The following ITPR2 variants were observed in gnomAD, a reference collection of about 807,000 sequenced individuals.
ITPR2 encodes the protein inositol 1,4,5-trisphosphate receptor type 2.
A neutral mutation model predicts 317.1 loss-of-function variants in ITPR2; 207 were observed. The observed-to-expected ratio is 0.65, with a 90% CI of 0.58 to 0.73. The LOEUF (loss-of-function observed/expected upper bound fraction) is 0.73. Ranked by LOEUF, ITPR2 falls within the 30% of genes least tolerant of loss-of-function variation. The pLI is 0.00. For missense variants in ITPR2, 2,613 were observed against 3,284.0 expected (o/e 0.80, Z 4.99); for synonymous variants, 1,156 against 1,149.1 (o/e 1.01, Z -0.12).
chr12:26,663,627 A>G (rs1947551544), intron 15 of ITPR2, 58 bp downstream of exon 15: 1 of 1,450,638 alleles, frequency 6.9e-7, no homozygotes, highest in Non-Finnish European at 9.3e-7. Flanking sequence ...ATTATAACCA[A>G]AGAACCTTGC....
chr12:26,676,461 A>T (rs1179454761), intron 13 of ITPR2, among the ~76,000 whole-genome samples: 1 of 149,368 alleles, frequency 6.7e-6, no homozygotes. Flanking sequence ...TGGGTGACAG[A>T]GTGAGACTCT....
chr12:26,446,845 A>G (rs1424191735), intron 45 of ITPR2, among the ~76,000 whole-genome samples: 2 of 151,832 alleles, frequency 1.3e-5, no homozygotes, highest in African/African-American at 4.8e-5. Flanking sequence ...TGAAAATTTG[A>G]AATATATAAT....
rs764764738 is a variant in ITPR2 at position 26,628,039 on chromosome 12, G to A, written c.3058C>T (p.Pro1020Ser). 8.1e-6 allele frequency: 13 copies of A among 1,608,436 alleles called. No individual in the cohort carries two copies. The highest frequency in any genetic ancestry group is 1.0e-5 in the Non-Finnish European group (12 of 1,178,414). The change falls in exon 23 of 57, where the codon CCA becomes TCA. Residue 1020 changes from proline to serine, a missense_variant. By Grantham distance (74) the Pro-to-Ser change is moderately conservative. This residue lies in a region of ITPR2 where 817 missense variants were observed against 897.6 expected (regional missense o/e 0.91). Transcript: ENST00000381340. ...SASGSPDTLL[P>S]SAIVPDIDEI... is the part of the protein sequence containing the mutation. ...TACTGTCACAAAAAGATACCTGATG[G>A]TAGTAAAGTGTCTGGAGATCCACTG...
chr12:26,659,812 T>A lies in ITPR2; in HGVS notation c.1714-527A>T, dbSNP rs566193575. ...CATTCATGAGACATGAGATCTGGGT[T>A]GTTACCTGAAGATCCTAGATGGACT... On this transcript the variant is annotated intron_variant, in intron 15 of 56. Transcript: ENST00000381340. Among the ~76,000 whole-genome samples the A allele has an allele frequency of 2.0e-5, 3 of 152,332 alleles. No homozygotes were observed. The South Asian group carries it at 6.2e-4, about 32-fold the overall frequency.
chr12:26,740,393 T>A (rs1447268766), intron 2 of ITPR2, among the ~76,000 whole-genome samples: 2 of 152,112 alleles, frequency 1.3e-5, no homozygotes, highest in African/African-American at 2.4e-5. Flanking sequence ...TCTTTGGAGG[T>A]CAGAGTACCA....
intron 34 of ITPR2, among the ~76,000 whole-genome samples, chr12:26,566,810 C>T (rs145413175): frequency 7.9e-5 from 12 of 152,248 alleles, no homozygotes; most frequent in African/African-American, 2.6e-4. Flanking sequence ...GTCTTTCACA[C>T]ACAGCAGTGC....
intron 45 of ITPR2, among the ~76,000 whole-genome samples, chr12:26,446,785 T>C (rs1941618999): frequency 1.3e-5 from 2 of 149,192 alleles, no homozygotes; most frequent in Admixed American, 1.3e-4. Flanking sequence ...GTTCAAAGTA[T>C]TAGAACAATA....
intron 23 of ITPR2, among the ~76,000 whole-genome samples, chr12:26,626,704 C>G (rs1231599688): frequency 6.6e-6 from 1 of 152,266 alleles, no homozygotes; most frequent in Non-Finnish European, 1.5e-5. Context: ...TTTGATGGGA[C>G]TAATGATTCA....
In ITPR2 at chr12:26,627,966, A is replaced by G. The variant is rs1301364341; in HGVS notation, c.3064+67T>C. On this transcript the variant is annotated intron_variant, in intron 23 of 56. Coordinates refer to ENST00000381340, the MANE Select transcript of ITPR2 (RefSeq NM_002223.4). ...AAAAAATATAATTATGTTTTAAAAT[A>G]TGATAGGTACTTTCAAGTTCTCAGA... 6 of 1,339,206 alleles carry G rather than the reference A, an allele frequency of 4.5e-6. No homozygotes were observed. In the Admixed American group the frequency reaches 1.4e-4, roughly 31 times the overall value. The allele number at this position is 1,339,206 out of a possible 1,614,324, so 83.0% of individuals were successfully genotyped here.
At chr12:26,564,337 C>T (rs540619533) in intron 34 of ITPR2, among the ~76,000 whole-genome samples, 1 of 152,212 alleles carries the variant, frequency 6.6e-6, no homozygotes, top group South Asian at 2.1e-4. Flanking sequence ...CAATATAAGA[C>T]AACTTCCTTG....
chr12:26,669,696 G>A (rs192882459), intron 13 of ITPR2, among the ~76,000 whole-genome samples: 359 of 152,288 alleles, frequency 2.4e-3, no homozygotes, highest in African/African-American at 8.1e-3. Flanking sequence ...GACAGTGGGC[G>A]CAGGTCAGTG....
rs546428465 is a variant in ITPR2, at chr12:26,655,950, A to G, written c.2445-98T>C. 7 of 1,209,816 alleles carry G rather than the reference A, an allele frequency of 5.8e-6. No individual in the cohort carries two copies. In the South Asian group the frequency reaches 1.0e-4, roughly 17 times the overall value. 74.9% of individuals were successfully genotyped at this position (1,209,816 alleles called of 1,614,324 possible). On this transcript the variant is annotated intron_variant, in intron 19 of 56. Transcript: ENST00000381340. ...TTTCCTGGGTGCATAATCTTGGATA[A>G]ATTAGTTAGCTTTCCTAGAGGCTGG...
At chr12:26,493,806 C>A (rs763715471) in intron 39 of ITPR2, among the ~76,000 whole-genome samples, 1 of 152,140 alleles carries the variant, frequency 6.6e-6, no homozygotes, top group Admixed American at 6.5e-5. Context: ...TTTTGGGTGT[C>A]GTCAACCCTA....
chr12:26,651,293 G>T (rs918731262), intron 21 of ITPR2, among the ~76,000 whole-genome samples: 3 of 151,820 alleles, frequency 2.0e-5, no homozygotes, highest in African/African-American at 7.3e-5. Flanking sequence ...TGTTTCTTTG[G>T]ATCATTGTCA....
intron 37 of ITPR2, among the ~76,000 whole-genome samples, chr12:26,542,877 AAG>A (rs1322640183): frequency 6.6e-6 from 1 of 152,192 alleles, no homozygotes; most frequent in Admixed American, 6.5e-5. Context: ...CTAGAATGTA[AAG>A]AGAATAACTG....
chr12:26,416,972 T>C (rs1232478023), intron 50 of ITPR2, among the ~76,000 whole-genome samples: 7 of 152,178 alleles, frequency 4.6e-5, no homozygotes, highest in Admixed American at 2.6e-4. Flanking sequence ...TCTAGGCCCA[T>C]GGAATCAGAA....
At chr12:26,682,874 CA>C (rs1335934864) in intron 11 of ITPR2, among the ~76,000 whole-genome samples, 1 of 152,170 alleles carries the variant, frequency 6.6e-6, no homozygotes, top group Non-Finnish European at 1.5e-5. Context: ...TAGTAGTTCT[CA>C]AAGTGTGGTC....
At chr12:26,757,954 T>C (rs2137118520) in intron 2 of ITPR2, among the ~76,000 whole-genome samples, 1 of 152,350 alleles carries the variant, frequency 6.6e-6, no homozygotes, top group East Asian at 1.9e-4. Context: ...TGATTATTTC[T>C]AGAGCATTAA....
chr12:26,431,600 A>G (rs1403953148), intron 48 of ITPR2, among the ~76,000 whole-genome samples: 1 of 152,232 alleles, frequency 6.6e-6, no homozygotes, highest in Non-Finnish European at 1.5e-5. Context: ...CCTGGCAATT[A>G]AAGGAGATTC....
Sources: gnomAD v4.1 joint callset for allele counts (sites outside exome capture counted in the v4.1 genomes callset) on GRCh38, gnomAD v4.1.1 for gene constraint, gnomAD v4.1.1 regional missense constraint, MANE v1.5 for transcripts, NCBI Gene and HGNC (gene_info 2026-07-23, HGNC 2026-07-21) for gene names.